Variants in RAD23B observed in about 807,000 individuals in gnomAD.
RAD23B encodes RAD23 nucleotide excision repair protein B.
In RAD23B, 5 loss-of-function variants were observed where a neutral mutation model predicts 49.1. That is an observed-to-expected ratio of 0.10 (90% confidence interval 0.05 to 0.21). The LOEUF (loss-of-function observed/expected upper bound fraction) is 0.21, where lower values mean the gene tolerates loss of function less well. RAD23B is among the 10% of genes least tolerant of loss of function. RAD23B has a pLI of 1.00. For missense variants in RAD23B, 356 were observed against 486.7 expected, an observed-to-expected ratio of 0.73 and a Z score of 2.53; for synonymous variants, 184 against 165.4, an observed-to-expected ratio of 1.11 and a Z score of -0.86.
chr9:107,294,945 A>G (rs773011309), intron 1 of RAD23B, among the ~76,000 whole-genome samples: 5 of 152,138 alleles, frequency 3.3e-5, no homozygotes, highest in Non-Finnish European at 7.4e-5. Context: ...AGATGGCAGT[A>G]TGTAAAGGAG....
At chr9:107,285,050 G>A (rs949393597) in intron 1 of RAD23B, 2 of 940,176 alleles carry the variant, frequency 2.1e-6, no homozygotes, top group African/African-American at 3.5e-5. Flanking sequence ...TTAAGAAACA[G>A]CCTTTTTGGG....
At chr9:107,284,835 C>A in intron 1 of RAD23B, 1 of 1,226,786 alleles carries the variant, frequency 8.2e-7, no homozygotes. Context: ...TTTGCTATGA[C>A]CTTGGGCAAA....
Position 107,306,637 on chromosome 9 carries a change from G to C in RAD23B, c.487G>C (p.Ala163Pro). The change falls in exon 4 of 10, where the codon GCA (alanine) becomes CCA (proline). Residue 163 changes from alanine to proline, a missense_variant. By Grantham distance (27) the Ala-to-Pro change is conservative. Transcript: ENST00000358015. Reference protein sequence around the residue: ...AETPVATSPTATDSTSGDSSR... With the variant: ...AETPVATSPTPTDSTSGDSSR... The stretch of plus-strand genomic sequence containing the variant: ...GACACCAGTGGCTACTAGCCCAACA[G>C]CAACTGACAGGTAGGAACTGGATTC... The C allele has an allele frequency of 6.2e-7, 1 of 1,613,490 alleles. No homozygotes were observed. The highest frequency in any genetic ancestry group is 8.5e-7 in the Non-Finnish European group (1 of 1,179,538).
chr9:107,321,173 G>A (rs1034992265), intron 6 of RAD23B, among the ~76,000 whole-genome samples: 1 of 151,892 alleles, frequency 6.6e-6, no homozygotes, highest in African/African-American at 2.4e-5. Context: ...AAACTAAATG[G>A]TTTCAATTTC....
intron 4 of RAD23B, among the ~76,000 whole-genome samples, chr9:107,309,105 A>G (rs982661635): frequency 6.6e-6 from 1 of 152,244 alleles, no homozygotes; most frequent in Non-Finnish European, 1.5e-5. Context: ...GTTTATTCGT[A>G]GTAGAGAACA....
chr9:107,329,300 A>T (rs943680707), intron 9 of RAD23B, among the ~76,000 whole-genome samples: 17 of 152,206 alleles, frequency 1.1e-4, no homozygotes, highest in African/African-American at 4.1e-4. Flanking sequence ...CTAGAAACAA[A>T]GACTTTTTTA....
intron 4 of RAD23B, among the ~76,000 whole-genome samples, chr9:107,310,895 A>ATATATT (rs1826876363): frequency 6.6e-6 from 1 of 152,182 alleles, no homozygotes; most frequent in Non-Finnish European, 1.5e-5. Flanking sequence ...ATTATGTACT[A>ATATATT]CCAAGGGCTT....
chr9:107,283,372 C>T lies in RAD23B; in HGVS notation c.-258C>T. On this transcript the variant is annotated 5_prime_UTR_variant, in exon 1 of 10. Coordinates refer to ENST00000358015, the MANE Select transcript of RAD23B (RefSeq NM_002874.5). ...CTCGCGCCTTCTGCAGACTCCGTGG[C>T]TGGCGCTCGGCGCGTGAGGAAGCAC... 2.3e-6 allele frequency: 1 copy of T among 428,108 alleles called. No homozygotes were observed. The highest frequency in any genetic ancestry group is 4.1e-6 in the Non-Finnish European group (1 of 246,196). The allele number at this position is 428,108 out of a possible 1,614,324, so 26.5% of individuals were successfully genotyped here. A position where few individuals can be genotyped will look rare whatever the true frequency, so the allele number is the denominator to read the frequency against.
At position 107,331,705 on chromosome 9, in the gene RAD23B, C is replaced by T; in HGVS notation, c.*2049C>T. On this transcript the variant is annotated 3_prime_UTR_variant, in exon 10 of 10. Coordinates refer to ENST00000358015, the MANE Select transcript of RAD23B (RefSeq NM_002874.5). ...AACTGGAAACAAAAAAAAAAAACAG[C>T]CTCTTCTTGGAAAGTGACAGCAGAA... 1.3e-6 allele frequency: 1 copy of T among 777,450 alleles called. No individual in the cohort carries two copies. Among genetic ancestry groups the T allele is most frequent in the Admixed American group, 1.7e-5 (1 of 58,784 alleles). 48.2% of individuals were successfully genotyped at this position (777,450 alleles called of 1,614,324 possible). A position where few individuals can be genotyped will look rare whatever the true frequency, so the allele number is the denominator to read the frequency against.
Position 107,283,619 on chromosome 9 carries a change from G to A in RAD23B, c.-11G>A. 2 of 1,473,498 alleles carry A rather than the reference G, an allele frequency of 1.4e-6. No homozygotes were observed. The highest frequency in any genetic ancestry group is 1.8e-6 in the Non-Finnish European group (2 of 1,109,754). 91.3% of individuals were successfully genotyped at this position (1,473,498 alleles called of 1,614,324 possible). ...GGCGCAGGCCCGGCAGCCGAGCTGC[G>A]CGGCGGCACCATGCAGGTCACCCTG... On this transcript the variant is annotated 5_prime_UTR_variant, in exon 1 of 10. Coordinates refer to ENST00000358015, the MANE Select transcript of RAD23B (RefSeq NM_002874.5).
Position 107,283,583 on chromosome 9 carries a change from G to C in RAD23B, c.-47G>C, listed in dbSNP as rs1158314546. On this transcript the variant is annotated 5_prime_UTR_variant, in exon 1 of 10. Coordinates refer to ENST00000358015, the MANE Select transcript of RAD23B (RefSeq NM_002874.5). ...CGCCAGGCCACAGACCCCGCCCAGC[G>C]GCCAGCACCCGGCGCAGGCCCGGCA... 6.9e-7 allele frequency: 1 copy of C among 1,449,910 alleles called. No individual in the cohort carries two copies. The highest frequency in any genetic ancestry group is 2.5e-5 in the Admixed American group (1 of 39,962). 89.8% of individuals were successfully genotyped at this position (1,449,910 alleles called of 1,614,324 possible). A position where few individuals can be genotyped will look rare whatever the true frequency, so the allele number is the denominator to read the frequency against.
chr9:107,283,725 C>T (rs1228404126), intron 1 of RAD23B, 30 bp downstream of exon 1: 5 of 1,255,994 alleles, frequency 4.0e-6, no homozygotes, highest in Non-Finnish European at 5.3e-6. Flanking sequence ...GCAGGGGCAG[C>T]CGCGTGCGGG....
intron 5 of RAD23B, among the ~76,000 whole-genome samples, chr9:107,317,097 T>C (rs199962806): frequency 2.0e-4 from 1 of 5,076 alleles, no homozygotes; most frequent in Non-Finnish European, 3.3e-4. Context: ...CACGCGTGCG[T>C]GTGTGTGTGT....
chr9:107,320,689 C>T (rs775309362), intron 6 of RAD23B, among the ~76,000 whole-genome samples: 10 of 152,130 alleles, frequency 6.6e-5, no homozygotes, highest in East Asian at 1.9e-4. Context: ...GAATAGAGGT[C>T]GATCTATAGC....
intron 1 of RAD23B, among the ~76,000 whole-genome samples, chr9:107,292,476 C>T (rs1338330897): frequency 3.3e-5 from 5 of 152,070 alleles, no homozygotes; most frequent in East Asian, 1.9e-4. Flanking sequence ...GTCAGGAGTT[C>T]GAGACCCTCC....
chr9:107,314,838 G>T (rs1156350509), intron 5 of RAD23B, among the ~76,000 whole-genome samples: 1 of 152,092 alleles, frequency 6.6e-6, no homozygotes, highest in Non-Finnish European at 1.5e-5. Context: ...CCAACATCTG[G>T]TATAAGATGG....
intron 1 of RAD23B, among the ~76,000 whole-genome samples, chr9:107,287,048 C>A (rs866360213): frequency 6.7e-6 from 1 of 148,206 alleles, no homozygotes; most frequent in African/African-American, 2.5e-5. Flanking sequence ...GCACTCCAGC[C>A]TGGGCGACAA....
intron 1 of RAD23B, among the ~76,000 whole-genome samples, chr9:107,287,850 AC>A (rs1371409212): frequency 3.3e-5 from 5 of 150,370 alleles, no homozygotes; most frequent in Middle Eastern, 3.4e-3. Flanking sequence ...AAAAAAAAAA[AC>A]AAAAAAACTG....
chr9:107,318,691 T>C lies in RAD23B; in HGVS notation c.554-61T>C, dbSNP rs1026142176. The C allele has an allele frequency of 2.9e-5, 44 of 1,515,740 alleles. No homozygotes were observed. The highest frequency in any genetic ancestry group is 3.8e-5 in the Non-Finnish European group (42 of 1,103,976). The allele number at this position is 1,515,740 out of a possible 1,614,324, so 93.9% of individuals were successfully genotyped here. ...AATGTTGTATACATGAATCAATAAA[T>C]GTATAGAGAATGCTTATTTATTAAA... is the stretch of plus-strand genomic sequence containing the variant. On this transcript the variant is annotated intron_variant, in intron 5 of 9. Coordinates refer to ENST00000358015, the MANE Select transcript of RAD23B (RefSeq NM_002874.5). This position sits in a 1 kb window ranked among gnomAD's most constrained non-coding sequence, Gnocchi z 4.3.
Sources: allele counts gnomAD v4.1 joint callset (sites outside exome capture counted in the v4.1 genomes callset), GRCh38; gene constraint gnomAD v4.1.1; non-coding constraint Gnocchi (gnomAD v3.1); transcripts MANE v1.5; gene names NCBI Gene and HGNC (gene_info 2026-07-23, HGNC 2026-07-21).